Variants in IFT43 observed in about 807,000 individuals in gnomAD.
IFT43 encodes intraflagellar transport protein 43 homolog.
Under a neutral mutation model 32.3 loss-of-function variants are expected in IFT43, and 33 were observed. The ratio of observed to expected loss-of-function variants is 1.02; its 90% CI spans 0.77 to 1.37. The LOEUF (loss-of-function observed/expected upper bound fraction) is 1.37, where lower values mean the gene tolerates loss of function less well. IFT43 is among the 40% of genes most tolerant of loss of function. The pLI, the probability that IFT43 is intolerant of heterozygous loss-of-function variation, is 0.00. For synonymous variants in IFT43, 93 were observed against 98.2 expected, an observed-to-expected ratio of 0.95 and a Z score of 0.31; for missense variants, 274 against 265.9, an observed-to-expected ratio of 1.03 and a Z score of -0.21.
chr14:75,990,543 C>T lies in IFT43; in HGVS notation c.147+1566C>T, dbSNP rs575257898. On this transcript the variant is annotated intron_variant, in intron 2 of 8. Coordinates refer to ENST00000314067, the MANE Select transcript of IFT43 (RefSeq NM_001102564.3). ...CAGAATAGGCCTGCAATTGTTATTG[C>T]GCAGGATGAGGTGGGGTCAAGTACA... Among the ~76,000 whole-genome samples the T allele has an allele frequency of 5.9e-5, 9 of 152,202 alleles. No homozygotes were observed. The South Asian group carries it at 1.0e-3, about 18-fold the overall frequency.
chr14:76,023,860 A>G (rs981322082), intron 3 of IFT43, among the ~76,000 whole-genome samples: 3 of 152,240 alleles, frequency 2.0e-5, no homozygotes, highest in Non-Finnish European at 4.4e-5. Context: ...TCAGCTTTCC[A>G]AAGCTGTAGT....
At chr14:76,064,686 A>G (rs1339577678) in intron 5 of IFT43, among the ~76,000 whole-genome samples, 3 of 152,188 alleles carry the variant, frequency 2.0e-5, no homozygotes, top group Non-Finnish European at 4.4e-5. Context: ...CCAGTTGCTC[A>G]TGTTTTGTAT....
chr14:76,063,318 T>C (rs2037176257), intron 5 of IFT43, among the ~76,000 whole-genome samples: 1 of 152,198 alleles, frequency 6.6e-6, no homozygotes, highest in South Asian at 2.1e-4. Context: ...CTGCCCAGGC[T>C]TGTGGAGTTT....
In IFT43 at chr14:76,010,681, T is replaced by TA. The variant is rs917638881; in HGVS notation, c.148-11637dup. Among the ~76,000 whole-genome samples the TA allele has an allele frequency of 4.3e-4, 65 of 150,962 alleles. No homozygotes were observed. The Middle Eastern group carries it at 0.01, about 24-fold the overall frequency. On this transcript the variant is annotated intron_variant, in intron 2 of 8. Transcript: ENST00000314067. ...TTACTTAGATACTTCAGCATATATCTAAAAAAAAAGATATTTTCCTAGAAA... is the reference window on the plus strand; with the variant it reads ...TTACTTAGATACTTCAGCATATATCTAAAAAAAAAAGATATTTTCCTAGAAA...
chr14:76,013,742 C>T (rs866542680), intron 2 of IFT43: 8 of 349,848 alleles, frequency 2.3e-5, no homozygotes, highest in Middle Eastern at 1.0e-3. Context: ...TGAAAAACTT[C>T]GTAACATCCA....
chr14:76,022,437 C>T (rs779725382), intron 3 of IFT43, 43 bp downstream of exon 3: 20 of 1,150,476 alleles, frequency 1.7e-5, no homozygotes, highest in African/African-American at 9.2e-5. Flanking sequence ...GGGGTGCACA[C>T]GGTTGGGGGG....
At chr14:76,061,381 T>A (rs1360907888) in intron 5 of IFT43, among the ~76,000 whole-genome samples, 1 of 152,238 alleles carries the variant, frequency 6.6e-6, no homozygotes, top group Non-Finnish European at 1.5e-5. Flanking sequence ...ATAGTTTTCA[T>A]CAGATTCAGA....
At chr14:76,010,212 C>T (rs553024180) in intron 2 of IFT43, among the ~76,000 whole-genome samples, 5 of 152,296 alleles carry the variant, frequency 3.3e-5, no homozygotes, top group Non-Finnish European at 7.3e-5. Flanking sequence ...CACCTTCCTC[C>T]GTCACCTGTA....
intron 5 of IFT43, among the ~76,000 whole-genome samples, chr14:76,060,217 A>G (rs1477904765): frequency 6.6e-6 from 1 of 151,782 alleles, no homozygotes; most frequent in African/African-American, 2.4e-5. Flanking sequence ...TATTGTTATT[A>G]TTATTATTAT....
At chr14:75,993,632 T>G (rs1444003156) in intron 2 of IFT43, among the ~76,000 whole-genome samples, 1 of 152,198 alleles carries the variant, frequency 6.6e-6, no homozygotes, top group African/African-American at 2.4e-5. Flanking sequence ...CAATTTTTCT[T>G]TCACATAGCA....
chr14:75,987,295 A>T (rs928308757), intron 1 of IFT43, among the ~76,000 whole-genome samples: 3 of 152,216 alleles, frequency 2.0e-5, no homozygotes, highest in Admixed American at 2.0e-4. Flanking sequence ...GAAGAAAATA[A>T]GCTGCTTATT....
chr14:76,009,217 C>T (rs1379574002), intron 2 of IFT43, among the ~76,000 whole-genome samples: 1 of 152,216 alleles, frequency 6.6e-6, no homozygotes, highest in Non-Finnish European at 1.5e-5. Flanking sequence ...AGGTATCAGA[C>T]ACACCTGGGT....
intron 3 of IFT43, among the ~76,000 whole-genome samples, chr14:76,030,974 CTGGTTT>C (rs1370532789): frequency 1.9e-4 from 29 of 150,354 alleles, no homozygotes; most frequent in Admixed American, 1.5e-3. Context: ...TTATTAGTTT[CTGGTTT>C]ATCTTTCCTA....
intron 3 of IFT43, among the ~76,000 whole-genome samples, chr14:76,042,454 G>A (rs994036700): frequency 6.6e-6 from 1 of 152,094 alleles, no homozygotes; most frequent in Non-Finnish European, 1.5e-5. Flanking sequence ...GATATTCCCT[G>A]AGGGCTCTTT....
intron 3 of IFT43, among the ~76,000 whole-genome samples, chr14:76,037,670 G>A (rs1458227036): frequency 1.4e-5 from 2 of 145,956 alleles, no homozygotes; most frequent in Admixed American, 1.4e-4. Flanking sequence ...TTGCCTAAAT[G>A]TGGCTTTTCC....
At chr14:76,068,676 A>C (rs545705621) in intron 5 of IFT43, among the ~76,000 whole-genome samples, 1 of 152,332 alleles carries the variant, frequency 6.6e-6, no homozygotes, top group African/African-American at 2.4e-5. Flanking sequence ...AGCTTGCCCT[A>C]AGTCCTTTAG....
intron 2 of IFT43, among the ~76,000 whole-genome samples, chr14:75,989,921 C>T (rs2035604299): frequency 2.6e-5 from 4 of 152,318 alleles, no homozygotes; most frequent in East Asian, 3.9e-4. Flanking sequence ...TCTTCATTTT[C>T]GTAGGAAATG....
chr14:75,988,941 C>A lies in IFT43; in HGVS notation c.111C>A (p.Leu37=). The change falls in exon 2 of 9, where the codon CTC becomes CTA. Residue 37 remains leucine (L), a synonymous_variant. Transcript: ENST00000314067. ...AGTCAGCGCAGGCCGAGAATCACCT[C>A]AATGGCAAGAATTCCTCTTTGACTC... The part of the protein sequence containing the change: ...QQESAQAENH[L]NGKNSSLTLT... The A allele has an allele frequency of 6.2e-7, 1 of 1,613,914 alleles. No individual in the cohort carries two copies. The highest frequency in any genetic ancestry group is 8.5e-7 in the Non-Finnish European group (1 of 1,180,008).
chr14:76,020,762 G>A (rs936407229), intron 2 of IFT43, among the ~76,000 whole-genome samples: 5 of 152,124 alleles, frequency 3.3e-5, no homozygotes, highest in Non-Finnish European at 7.4e-5. Flanking sequence ...TGGCAAGCCA[G>A]GTATGCTAGT....
Sources: allele counts gnomAD v4.1 joint callset (sites outside exome capture counted in the v4.1 genomes callset), GRCh38; gene constraint gnomAD v4.1.1; transcripts MANE v1.5; gene names NCBI Gene and HGNC (gene_info 2026-07-23, HGNC 2026-07-21).